The following PCDH15 variants were observed in gnomAD, a reference collection of about 807,000 sequenced individuals.
PCDH15 encodes protocadherin related 15, also known as protocadherin-15.
A neutral mutation model predicts 178.5 loss-of-function variants in PCDH15; 129 were observed. The ratio of observed to expected loss-of-function variants is 0.72; its 90% CI spans 0.63 to 0.84. PCDH15 has a LOEUF of 0.84. PCDH15 is among the 40% of genes least tolerant of loss of function. The pLI is 0.00. For missense variants in PCDH15, 2,230 were observed against 2,099.9 expected (o/e 1.06, Z -1.21); for synonymous variants, 800 against 732.0 (o/e 1.09, Z -1.50).
chr10:54,845,114 C>T (rs1484113108), intron 3 of PCDH15, among the ~76,000 whole-genome samples: 2 of 151,478 alleles, frequency 1.3e-5, no homozygotes, highest in South Asian at 4.2e-4. Context: ...AAAGGAAAAG[C>T]CTTTTTTTCT....
intron 2 of PCDH15, among the ~76,000 whole-genome samples, chr10:55,147,213 T>C (rs1838542310): frequency 4.6e-5 from 7 of 151,540 alleles, no homozygotes; most frequent in Admixed American, 4.6e-4. Context: ...TCAATTGTAC[T>C]TTCTGGATTT....
intron 2 of PCDH15, among the ~76,000 whole-genome samples, chr10:55,057,794 A>G (rs11004713): frequency 0.061 from 9,334 of 152,230 alleles, 400 homozygotes; most frequent in African/African-American, 0.11. Context: ...CTCAAGTTGC[A>G]TTCACGAGAT....
At chr10:55,405,283 G>GATATATATATATATATATAGATATATAT in intron 2 of PCDH15, among the ~76,000 whole-genome samples, 1 of 108,094 alleles carries the variant, frequency 9.3e-6, no homozygotes, top group South Asian at 2.9e-4. Flanking sequence ...TGAGGTAACA[G>GATATATATATATATATATAGATATATAT]ATATATATAT....
chr10:53,835,538 C>A (rs10825118), intron 29 of PCDH15, among the ~76,000 whole-genome samples: 60,429 of 151,706 alleles, frequency 0.4, 12,727 homozygotes, highest in East Asian at 0.75. Flanking sequence ...GCAAAAAAAA[C>A]CAAATTCCAT....
chr10:53,904,826 G>A (rs7894095), intron 25 of PCDH15, among the ~76,000 whole-genome samples: 95,511 of 152,012 alleles, frequency 0.63, 30,403 homozygotes, highest in East Asian at 0.9. Flanking sequence ...AAAATAAAAA[G>A]GAATTTTAGA....
chr10:55,004,751 T>C (rs539102528), intron 2 of PCDH15, among the ~76,000 whole-genome samples: 2 of 152,272 alleles, frequency 1.3e-5, no homozygotes, highest in South Asian at 4.1e-4. Flanking sequence ...ACAACACTCA[T>C]CTTAATGACT....
chr10:54,228,516 T>A (rs11004151), intron 9 of PCDH15, among the ~76,000 whole-genome samples: 8,316 of 152,256 alleles, frequency 0.055, 564 homozygotes, highest in African/African-American at 0.17. Context: ...TTGTTATGAA[T>A]GCTAAGAGCA....
chr10:54,604,432 C>T (rs1255859384), intron 2 of PCDH15, among the ~76,000 whole-genome samples: 1 of 151,882 alleles, frequency 6.6e-6, no homozygotes, highest in African/African-American at 2.4e-5. Context: ...TCAGTGTTTG[C>T]TTTAAATATT....
chr10:53,821,673 C>G, intron 32 of PCDH15: 4 of 1,363,878 alleles, frequency 2.9e-6, no homozygotes, highest in Non-Finnish European at 3.8e-6. Context: ...TAAGGTAAAT[C>G]TATTATATGA....
At chr10:55,082,554 T>C (rs1456495675) in intron 2 of PCDH15, among the ~76,000 whole-genome samples, 2 of 127,990 alleles carry the variant, frequency 1.6e-5, no homozygotes, top group African/African-American at 5.6e-5. Flanking sequence ...AAAAGAAAGA[T>C]CAGAGCAGAA....
intron 3 of PCDH15, among the ~76,000 whole-genome samples, chr10:54,854,515 C>T (rs901874213): frequency 3.3e-5 from 5 of 152,134 alleles, no homozygotes; most frequent in African/African-American, 1.2e-4. Flanking sequence ...AGAGGAAACC[C>T]GCAGGGGGAG....
intron 2 of PCDH15, among the ~76,000 whole-genome samples, chr10:54,654,268 A>T (rs1195453365): frequency 6.6e-6 from 1 of 152,230 alleles, no homozygotes; most frequent in Non-Finnish European, 1.5e-5. Flanking sequence ...TGTTCAGAAT[A>T]TACAAAATGT....
chr10:54,202,805 C>A (rs12770589), intron 10 of PCDH15, among the ~76,000 whole-genome samples: 1 of 134,622 alleles, frequency 7.4e-6, no homozygotes, highest in African/African-American at 2.7e-5. Flanking sequence ...AGAGCGAAAC[C>A]CCACCTCAAA....
chr10:53,954,352 A>G (rs1162577019), intron 23 of PCDH15, among the ~76,000 whole-genome samples: 1 of 152,224 alleles, frequency 6.6e-6, no homozygotes, highest in Non-Finnish European at 1.5e-5. Flanking sequence ...CTATTGTTAT[A>G]TTCCAGCAAC....
chr10:54,360,104 G>A (rs2795942), intron 5 of PCDH15, among the ~76,000 whole-genome samples: 17,419 of 151,950 alleles, frequency 0.11, 1,766 homozygotes, highest in African/African-American at 0.28. Flanking sequence ...CATTTGCCCT[G>A]TCTGAGTTCC....
intron 27 of PCDH15, among the ~76,000 whole-genome samples, chr10:53,859,227 G>A (rs1478867858): frequency 6.6e-6 from 1 of 152,114 alleles, no homozygotes; most frequent in Non-Finnish European, 1.5e-5. Flanking sequence ...CTGGAGTCCT[G>A]GCCTCAGGAC....
chr10:54,100,725 T>G (rs1447324571), intron 15 of PCDH15, among the ~76,000 whole-genome samples: 1 of 152,182 alleles, frequency 6.6e-6, no homozygotes, highest in Non-Finnish European at 1.5e-5. Context: ...AACTCTGTTA[T>G]CAATAAAACT....
At chr10:54,383,477 G>T (rs72801273) in intron 3 of PCDH15, among the ~76,000 whole-genome samples, 19,574 of 152,016 alleles carry the variant, frequency 0.13, 1,372 homozygotes, top group Middle Eastern at 0.21. Context: ...ATAGAAAGAC[G>T]TTCAGGGAAT....
intron 13 of PCDH15, among the ~76,000 whole-genome samples, chr10:54,155,339 C>G (rs1210808069): frequency 6.6e-6 from 1 of 151,932 alleles, no homozygotes; most frequent in African/African-American, 2.4e-5. Context: ...ACAGAAACAC[C>G]CACTAAATTG....
Sources: allele counts gnomAD v4.1 joint callset (sites outside exome capture counted in the v4.1 genomes callset), GRCh38; gene constraint gnomAD v4.1.1; transcripts MANE v1.5; gene names NCBI Gene and HGNC (gene_info 2026-07-23, HGNC 2026-07-21).